Variants in KATNAL1 observed in about 807,000 individuals in gnomAD.
The protein encoded by KATNAL1 is katanin catalytic subunit A1 like 1, also known as katanin p60 ATPase-containing subunit A-like 1.
Under a neutral mutation model 55.2 loss-of-function variants are expected in KATNAL1, and 32 were observed. The ratio of observed to expected loss-of-function variants is 0.58; its 90% CI spans 0.44 to 0.78. The LOEUF is 0.78. Ranked by LOEUF, KATNAL1 falls within the 30% of genes least tolerant of loss-of-function variation. The pLI is 0.00. For missense variants in KATNAL1, 466 were observed against 600.9 expected (o/e 0.78, Z 2.35); for synonymous variants, 193 against 193.6 (o/e 1.00, Z 0.02).
intron 1 of KATNAL1, among the ~76,000 whole-genome samples, chr13:30,300,878 T>C (rs1238643175): frequency 6.6e-6 from 1 of 152,106 alleles, no homozygotes. Context: ...TCAAATATTT[T>C]AGAAACAAAA....
intron 1 of KATNAL1, among the ~76,000 whole-genome samples, chr13:30,295,929 C>T (rs1882455750): frequency 6.6e-6 from 1 of 151,604 alleles, no homozygotes; most frequent in African/African-American, 2.4e-5. Flanking sequence ...CTGGGCCAGG[C>T]ACATTGGGTC....
intron 9 of KATNAL1, among the ~76,000 whole-genome samples, chr13:30,226,192 T>A (rs930499951): frequency 6.6e-6 from 1 of 152,206 alleles, no homozygotes; most frequent in Non-Finnish European, 1.5e-5. Flanking sequence ...CAAAATGGTA[T>A]GACCATTCTG....
Position 30,297,494 on chromosome 13 carries a change from A to G in KATNAL1, c.-15+9837T>C, listed in dbSNP as rs568146888. Among the ~76,000 whole-genome samples the G allele has an allele frequency of 2.0e-5, 3 of 152,326 alleles. No individual in the cohort carries two copies. In the South Asian group the frequency reaches 6.2e-4, roughly 32 times the overall value. ...GAACTTAAAACGGAACTACCATTTG[A>G]CCCAGCAGTCCCATTACTGGGTATA... On this transcript the variant is annotated intron_variant, in intron 1 of 10. Transcript: ENST00000380615.
intron 2 of KATNAL1, chr13:30,281,895 T>C (rs936500847): frequency 6.6e-6 from 1 of 152,226 alleles, no homozygotes; most frequent in South Asian, 2.1e-4. Flanking sequence ...CTAAAAAGGA[T>C]GTTACGTTGT....
At chr13:30,234,371 C>A (rs1203413442) in intron 6 of KATNAL1, among the ~76,000 whole-genome samples, 1 of 152,158 alleles carries the variant, frequency 6.6e-6, no homozygotes, top group Non-Finnish European at 1.5e-5. Flanking sequence ...TTCACCAATT[C>A]ACTAAAAATA....
chr13:30,302,358 T>C (rs1483691396), intron 1 of KATNAL1, among the ~76,000 whole-genome samples: 2 of 152,010 alleles, frequency 1.3e-5, no homozygotes, highest in African/African-American at 4.8e-5. Context: ...TAATATCTAA[T>C]AATGCAGAGA....
intron 4 of KATNAL1, among the ~76,000 whole-genome samples, chr13:30,242,231 T>C (rs957772404): frequency 6.6e-6 from 1 of 152,208 alleles, no homozygotes; most frequent in Admixed American, 6.5e-5. Flanking sequence ...TGAGCCTTCA[T>C]ATGGCACTGT....
chr13:30,279,878 T>C (rs944360052), intron 3 of KATNAL1, among the ~76,000 whole-genome samples, 185 bp downstream of exon 3: 3 of 152,210 alleles, frequency 2.0e-5, no homozygotes, highest in African/African-American at 7.2e-5. Flanking sequence ...GCAAGATATG[T>C]AACAAGTCAT....
chr13:30,264,071 G>A (rs1455708170), intron 3 of KATNAL1, among the ~76,000 whole-genome samples: 6 of 149,778 alleles, frequency 4.0e-5, no homozygotes, highest in South Asian at 2.1e-4. Flanking sequence ...AAATAACGCC[G>A]CATATCTACA....
At chr13:30,217,831 A>G (rs776305662) in intron 9 of KATNAL1, among the ~76,000 whole-genome samples, 3 of 152,148 alleles carry the variant, frequency 2.0e-5, no homozygotes, top group Non-Finnish European at 2.9e-5. Context: ...TAAATACTCA[A>G]TAAATGTTCA....
In KATNAL1 at chr13:30,283,781, CT is replaced by C; in HGVS notation, c.-5del. 2 of 1,605,388 alleles carry C rather than the reference CT, an allele frequency of 1.2e-6. No individual in the cohort carries two copies. Among genetic ancestry groups the C allele is most frequent in the Non-Finnish European group, 1.7e-6 (2 of 1,174,926 alleles). On this transcript the variant is annotated 5_prime_UTR_variant, in exon 2 of 11. Transcript: ENST00000380615. Reference sequence around the variant, plus strand: ...CACAAATCTCAGCCAAATTCATCTTCTTTCAGAGACCTAAACATAAAATATA... The same window carrying C: ...CACAAATCTCAGCCAAATTCATCTTCTTCAGAGACCTAAACATAAAATATA...
intron 4 of KATNAL1, among the ~76,000 whole-genome samples, chr13:30,249,950 A>G (rs1368771147): frequency 1.3e-5 from 2 of 152,250 alleles, no homozygotes; most frequent in Admixed American, 6.5e-5. Flanking sequence ...CAAACTTTGA[A>G]TAAGTTGTAT....
At chr13:30,289,338 C>A (rs1881990986) in intron 1 of KATNAL1, among the ~76,000 whole-genome samples, 1 of 152,206 alleles carries the variant, frequency 6.6e-6, no homozygotes, top group Non-Finnish European at 1.5e-5. Flanking sequence ...CTTAAGTTTA[C>A]CTTCTCCAGA....
chr13:30,249,964 T>C (rs1396334920), intron 4 of KATNAL1, among the ~76,000 whole-genome samples: 1 of 152,222 alleles, frequency 6.6e-6, no homozygotes, highest in Non-Finnish European at 1.5e-5. Flanking sequence ...GTTGTATTTT[T>C]AAAAAAGGAA....
intron 9 of KATNAL1, among the ~76,000 whole-genome samples, chr13:30,210,985 A>C (rs1873639725): frequency 6.6e-6 from 1 of 152,234 alleles, no homozygotes; most frequent in Non-Finnish European, 1.5e-5. Context: ...GCCAGCCCAC[A>C]GACATTTGCT....
intron 6 of KATNAL1, among the ~76,000 whole-genome samples, chr13:30,236,649 A>C (rs548028588): frequency 9.9e-5 from 15 of 152,264 alleles, no homozygotes; most frequent in African/African-American, 3.1e-4. Context: ...CAGAAAAGAG[A>C]TCTTCCTACA....
chr13:30,209,951 T>C (rs1873505556), intron 10 of KATNAL1, among the ~76,000 whole-genome samples: 1 of 152,104 alleles, frequency 6.6e-6, no homozygotes. Flanking sequence ...CTGGCTAATT[T>C]TTTGTATTTT....
intron 1 of KATNAL1, among the ~76,000 whole-genome samples, chr13:30,294,462 C>T (rs1037937361): frequency 2.0e-5 from 3 of 152,164 alleles, no homozygotes; most frequent in African/African-American, 7.2e-5. Context: ...CCCTAATTGT[C>T]TTCAATTCTA....
chr13:30,306,951 T>G (rs955709186), intron 1 of KATNAL1: 1 of 152,454 alleles, frequency 6.6e-6, no homozygotes, highest in African/African-American at 2.4e-5. Context: ...TCCACTTCCC[T>G]TTCCCAACGC....
Sources: allele counts gnomAD v4.1 joint callset (sites outside exome capture counted in the v4.1 genomes callset), GRCh38; gene constraint gnomAD v4.1.1; transcripts MANE v1.5; gene names NCBI Gene and HGNC (gene_info 2026-07-23, HGNC 2026-07-21).